The following RIF1 variants were observed in gnomAD, a reference collection of about 807,000 sequenced individuals.
RIF1 encodes telomere-associated protein RIF1.
In RIF1, 45 loss-of-function variants were observed where a neutral mutation model predicts 247.1. The ratio of observed to expected loss-of-function variants is 0.18; its 90% CI spans 0.14 to 0.23. The LOEUF (loss-of-function observed/expected upper bound fraction) is 0.23, where lower values mean the gene tolerates loss of function less well. RIF1 is among the 10% of genes least tolerant of loss of function. RIF1 has a pLI of 1.00. For synonymous variants in RIF1, 1,087 were observed against 978.8 expected, an observed-to-expected ratio of 1.11 and a Z score of -2.06; for missense variants, 2,967 against 2,862.5, an observed-to-expected ratio of 1.04 and a Z score of -0.83.
chr2:151,416,682 C>T lies in RIF1; in HGVS notation c.402C>T (p.Gly134=), dbSNP rs1482558539. 2 of 1,612,092 alleles carry T rather than the reference C, an allele frequency of 1.2e-6. No homozygotes were observed. The highest frequency in any genetic ancestry group is 1.7e-6 in the Non-Finnish European group (2 of 1,179,602). The part of the protein sequence containing the change: ...SKQTFPSEVV[G]KMVSSIIDSL... ...AGACATTTCCCTCTGAAGTGGTTGG[C>T]AAAATGGTGAGTATAGTTTTTGGGT... The change falls in exon 5 of 36, where the codon GGC becomes GGT. Residue 134 remains glycine (G), a synonymous_variant. Transcript: ENST00000444746.
chr2:151,435,767 G>GTT (rs76815709), intron 11 of RIF1, among the ~76,000 whole-genome samples, 187 bp downstream of exon 11: 2 of 140,446 alleles, frequency 1.4e-5, no homozygotes, highest in Admixed American at 7.1e-5. Context: ...TCTGTTTTTT[G>GTT]TTTTTTTTTT....
downstream of RIF1, among the ~76,000 whole-genome samples, chr2:151,484,372 G>T (rs965642841): frequency 2.0e-5 from 3 of 152,202 alleles, no homozygotes; most frequent in African/African-American, 7.2e-5. Context: ...GAGGTGGTCG[G>T]ATCACCTGAA....
In RIF1 at chr2:151,463,422, G is replaced by C; in HGVS notation, c.3902G>C (p.Arg1301Thr). 1.2e-6 allele frequency: 2 copies of C among 1,613,866 alleles called. No individual in the cohort carries two copies. Among genetic ancestry groups the C allele is most frequent in the Non-Finnish European group, 1.7e-6 (2 of 1,179,938 alleles). ...AAAGCTGAACAAACAGGGAATAAAA[G>C]GTCTAAGCCCTTAATGAGATCTGAG... Reference protein sequence around the residue: ...AGKAEQTGNKRSKPLMRSEPE... With the variant: ...AGKAEQTGNKTSKPLMRSEPE... The change falls in exon 30 of 36, where the codon AGG becomes ACG. Residue 1301 changes from arginine to threonine, a missense_variant. Around this residue, in one of 7 missense-constraint regions of RIF1, gnomAD observed 2,028 missense variants for 1,825.6 expected, o/e 1.11. Transcript: ENST00000444746.
At chr2:151,441,872 C>A in intron 15 of RIF1, 33 bp from the exon 16 acceptor site, 2 of 1,004,244 alleles carry the variant, frequency 2.0e-6, no homozygotes, top group Non-Finnish European at 3.1e-6. Flanking sequence ...ATTTTTACGG[C>A]TAATTTACTG....
chr2:151,421,441 C>T (rs1479603555), intron 7 of RIF1, among the ~76,000 whole-genome samples: 2 of 152,140 alleles, frequency 1.3e-5, no homozygotes, highest in Admixed American at 1.3e-4. Context: ...GTTCTGGGAA[C>T]TCTGGGCAGT....
At chr2:151,411,437 C>A in intron 3 of RIF1, 99 bp downstream of exon 3, 1 of 740,158 alleles carries the variant, frequency 1.4e-6, no homozygotes, top group Admixed American at 2.8e-5. Flanking sequence ...GCTCTTGTTG[C>A]CCAGGCGAGA....
the RIF1 span, among the ~76,000 whole-genome samples, chr2:151,514,107 C>T: frequency 9.2e-5 from 14 of 152,126 alleles, no homozygotes; most frequent in East Asian, 1.3e-3. Context: ...TTATGATAAC[C>T]ACTACAGAAA....
chr2:151,416,574 A>G lies in RIF1; in HGVS notation c.294A>G (p.Leu98=). 6.2e-7 allele frequency: 1 copy of G among 1,601,326 alleles called. No homozygotes were observed. Among genetic ancestry groups the G allele is most frequent in the South Asian group, 1.1e-5 (1 of 88,424 alleles). Residue 98 remains leucine (L), a synonymous_variant, in exon 5 of 36, where the codon CTA becomes CTG. Coordinates refer to ENST00000444746, the MANE Select transcript of RIF1 (RefSeq NM_018151.5). Reference sequence around the variant, plus strand: ...CTTGTTTTTCAGAGGCAAATGCTCTAGAATTGCTTTCAAAATTGAATGATA... The same window carrying G: ...CTTGTTTTTCAGAGGCAAATGCTCTGGAATTGCTTTCAAAATTGAATGATA... ...ITSELSEANA[L]ELLSKLNDTI... is the part of the protein sequence containing the mutation.
At chr2:151,453,994 C>A (rs559875569) in intron 21 of RIF1, among the ~76,000 whole-genome samples, 11 of 152,258 alleles carry the variant, frequency 7.2e-5, no homozygotes, top group Non-Finnish European at 7.4e-5. Context: ...TGTATGTAAC[C>A]AGTCTCCTGA....
intron 12 of RIF1, chr2:151,505,625 C>T: frequency 7.2e-7 from 1 of 1,393,026 alleles, no homozygotes; most frequent in Non-Finnish European, 1.0e-6. Flanking sequence ...GACTGTTATT[C>T]TTCCCAACAT....
intron 4 of RIF1, among the ~76,000 whole-genome samples, chr2:151,415,898 ATT>A (rs1687143450): frequency 6.6e-6 from 1 of 152,158 alleles, no homozygotes; most frequent in African/African-American, 2.4e-5. Context: ...TGAAAAGGGT[ATT>A]TAAACATGAT....
downstream of RIF1, chr2:151,508,151 G>A (rs780715899): frequency 8.6e-6 from 12 of 1,392,642 alleles, no homozygotes; most frequent in Admixed American, 1.9e-5. Flanking sequence ...AAACACCACA[G>A]GGATATAGGC....
At position 151,416,637 on chromosome 2, in the gene RIF1, A is replaced by C; in HGVS notation, c.357A>C (p.Ala119=). The C allele has an allele frequency of 6.2e-7, 1 of 1,612,452 alleles. No homozygotes were observed. The highest frequency in any genetic ancestry group is 8.5e-7 in the Non-Finnish European group (1 of 1,179,606). ...KNSDKNVRTR[A]LWVISKQTFP... ...CAGACAAAAATGTACGTACTAGAGCACTTTGGGTGATATCTAAGCAGACAT... is the reference window on the plus strand; with the variant it reads ...CAGACAAAAATGTACGTACTAGAGCCCTTTGGGTGATATCTAAGCAGACAT... Residue 119 remains alanine (A), a synonymous_variant, in exon 5 of 36, where the codon GCA becomes GCC. Coordinates refer to ENST00000444746, the MANE Select transcript of RIF1 (RefSeq NM_018151.5).
At chr2:151,497,384 T>C in intron 10 of RIF1, 1 of 980,194 alleles carries the variant, frequency 1.0e-6, no homozygotes, top group Non-Finnish European at 1.2e-6. Context: ...ACTGAAAAAC[T>C]CATTATTTTA....
At position 151,468,668 on chromosome 2, in the gene RIF1, C is replaced by T. The variant is rs1303899526; in HGVS notation, c.6853C>T (p.Pro2285Ser). The change falls in exon 33 of 36, where the codon CCA becomes TCA. Residue 2285 changes from proline to serine, a missense_variant. Pro to Ser is a moderately conservative substitution (Grantham distance 74, BLOSUM62 -1). Around this residue, in one of 7 missense-constraint regions of RIF1, gnomAD observed 2,028 missense variants for 1,825.6 expected, o/e 1.11. Transcript: ENST00000444746. ...LISEMAKESI[P>S]CPTESVYPPL... ...TTCAGAAATGGCCAAAGAATCCATA[C>T]CATGCCCAACAGAAAGTGTTTACCC... The T allele has an allele frequency of 2.5e-6, 4 of 1,613,910 alleles. No individual in the cohort carries two copies. Among genetic ancestry groups the T allele is most frequent in the South Asian group, 2.2e-5 (2 of 91,086 alleles).
At chr2:151,528,054 G>T in the RIF1 span, among the ~76,000 whole-genome samples, 1 of 152,168 alleles carries the variant, frequency 6.6e-6, no homozygotes, top group African/African-American at 2.4e-5. Context: ...ACAACTGCAT[G>T]AAATAGACAG....
intron 21 of RIF1, among the ~76,000 whole-genome samples, chr2:151,454,506 A>G (rs777060657): frequency 8.5e-5 from 13 of 152,148 alleles, no homozygotes; most frequent in Non-Finnish European, 1.6e-4. Context: ...TGTTTTTAAA[A>G]CTAACTTTCA....
chr2:151,422,931 T>C lies in RIF1; in HGVS notation c.694-19T>C, dbSNP rs1573899687. 4 of 1,324,676 alleles carry C rather than the reference T, an allele frequency of 3.0e-6. No individual in the cohort carries two copies. In the East Asian group the frequency reaches 9.2e-5, roughly 31 times the overall value. The allele number at this position is 1,324,676 out of a possible 1,614,324, so 82.1% of individuals were successfully genotyped here. A position where few individuals can be genotyped will look rare whatever the true frequency, so the allele number is the denominator to read the frequency against. On this transcript the variant is annotated intron_variant, in intron 7 of 35. Transcript: ENST00000444746. ...TTTTCTAAGAGTCTGTTTGGTAAAT[T>C]AATTGCTTTTGTTTGCAGAAATTAA...
the RIF1 span, among the ~76,000 whole-genome samples, chr2:151,521,449 G>C: frequency 2.6e-5 from 4 of 152,330 alleles, no homozygotes; most frequent in Middle Eastern, 3.4e-3. Context: ...TCTGAGGTGT[G>C]AGCTGGTGTC....
Sources: allele counts gnomAD v4.1 joint callset (sites outside exome capture counted in the v4.1 genomes callset), GRCh38; gene constraint gnomAD v4.1.1; regional missense constraint gnomAD v4.1.1; transcripts MANE v1.5; gene names NCBI Gene and HGNC (gene_info 2026-07-23, HGNC 2026-07-21).